The following GABRA3 variants were observed in gnomAD, a reference collection of about 807,000 sequenced individuals.
GABRA3 encodes gamma-aminobutyric acid receptor subunit alpha-3.
In GABRA3, 10 loss-of-function variants were observed where a neutral mutation model predicts 30.1. The observed-to-expected ratio is 0.33, with a 90% CI of 0.20 to 0.56. The LOEUF (loss-of-function observed/expected upper bound fraction) is 0.56, where lower values mean the gene tolerates loss of function less well. Among genes scored for constraint, GABRA3 ranks in the 20% least tolerant of loss-of-function variants. The pLI, the probability that GABRA3 is intolerant of heterozygous loss-of-function variation, is 0.89. For synonymous variants in GABRA3, 151 were observed against 146.8 expected (o/e 1.03, Z -0.21); for missense variants, 233 against 392.0 (o/e 0.59, Z 3.42).
intron 6 of GABRA3, among the ~76,000 whole-genome samples, chrX:152,214,398 T>C (rs974095159): frequency 2.7e-5 from 3 of 111,492 alleles, no homozygotes. Flanking sequence ...GTGATAAACA[T>C]ACAATTGTAG....
At chrX:152,355,123 C>CCAG (rs1940530080) in intron 2 of GABRA3, among the ~76,000 whole-genome samples, 2 of 110,811 alleles carry the variant, frequency 1.8e-5, no homozygotes, top group African/African-American at 6.6e-5. Context: ...AAGCAACTCC[C>CCAG]CAGCAGTCTC....
intron 9 of GABRA3, among the ~76,000 whole-genome samples, chrX:152,176,732 C>T (rs1489835082): frequency 1.8e-5 from 2 of 111,317 alleles, no homozygotes; most frequent in East Asian, 5.7e-4. Flanking sequence ...GAGATGTACA[C>T]AGTTACATAT....
At chrX:152,182,188 A>G (rs1364031796) in intron 9 of GABRA3, among the ~76,000 whole-genome samples, 1 of 108,553 alleles carries the variant, frequency 9.2e-6, no homozygotes, top group Non-Finnish European at 1.9e-5. Flanking sequence ...GCATATTTAT[A>G]TATTTACACA....
chrX:152,406,629 C>A (rs1340391507), intron 1 of GABRA3, among the ~76,000 whole-genome samples: 1 of 105,838 alleles, frequency 9.4e-6, no homozygotes, highest in Non-Finnish European at 1.9e-5. Context: ...AGCTAAAGAG[C>A]AAGATAGACT....
chrX:152,228,581 T>C lies in GABRA3; in HGVS notation c.552-3736A>G, dbSNP rs775984419. On this transcript the variant is annotated intron_variant, in intron 5 of 9. Transcript: ENST00000370314. Reference sequence around the variant, plus strand: ...AGTGGAGAAAAGGAACACCATTTTCTTTATTAAACTCTCATGGAATCTTTT... The same window carrying C: ...AGTGGAGAAAAGGAACACCATTTTCCTTATTAAACTCTCATGGAATCTTTT... 2.7e-5 allele frequency among the ~76,000 whole-genome samples: 3 copies of C among 110,998 alleles called. No individual in the cohort carries two copies. The East Asian group carries it at 8.5e-4, about 31-fold the overall frequency.
At chrX:152,277,500 T>C (rs1029708610) in intron 4 of GABRA3, among the ~76,000 whole-genome samples, 28 of 111,269 alleles carry the variant, frequency 2.5e-4, no homozygotes, top group Admixed American at 1.8e-3. Context: ...CTGTATACCA[T>C]AGGAAATTTT....
At chrX:152,403,558 G>T (rs1050953271) in intron 1 of GABRA3, among the ~76,000 whole-genome samples, 1 of 61,001 alleles carries the variant, frequency 1.6e-5, no homozygotes, top group African/African-American at 4.1e-5. Flanking sequence ...ACACGTGTGT[G>T]TATGTGCACA....
intron 3 of GABRA3, among the ~76,000 whole-genome samples, chrX:152,336,054 T>C (rs1377464259): frequency 1.8e-5 from 2 of 111,424 alleles, no homozygotes; most frequent in African/African-American, 6.5e-5. Context: ...TTTCTTAATT[T>C]ATTTAGCACA....
At position 152,288,304 on chromosome X, in the gene GABRA3, C is replaced by A. The variant is rs778679392; in HGVS notation, c.263-3569G>T. ...GCACCTGATAACACATGGAGAAGAA[C>A]CCTGATGAATATGATACAGTAGTTA... On this transcript the variant is annotated intron_variant, in intron 3 of 9. Coordinates refer to ENST00000370314, the MANE Select transcript of GABRA3 (RefSeq NM_000808.4). 2.7e-5 allele frequency among the ~76,000 whole-genome samples: 3 copies of A among 111,835 alleles called. No individual in the cohort carries two copies. The South Asian group carries it at 1.1e-3, about 41-fold the overall frequency.
In GABRA3 at chrX:152,212,318, AAAAAAAAAAAAAAT is replaced by A. The variant is rs1466625018; in HGVS notation, c.635-4188_635-4175del. Among the ~76,000 whole-genome samples the A allele has an allele frequency of 1.9e-3, 154 of 79,568 alleles. 15 individuals are homozygous for A. The highest frequency in any genetic ancestry group is 7.6e-3 in the African/African-American group (144 of 19,046). The allele number at this position is 79,568 out of a possible 115,157, so 69.1% of individuals were successfully genotyped here. A position where few individuals can be genotyped will look rare whatever the true frequency, so the allele number is the denominator to read the frequency against. ...AAAAAAAAAAAAAAAAAAAAAAAAA[AAAAAAAAAAAAAAT>A]TCCAAATTGCCTACCCTAAGAACTA... On this transcript the variant is annotated intron_variant, in intron 6 of 9. Coordinates refer to ENST00000370314, the MANE Select transcript of GABRA3 (RefSeq NM_000808.4).
At chrX:152,269,499 T>C (rs1450456657) in intron 4 of GABRA3, among the ~76,000 whole-genome samples, 1 of 112,222 alleles carries the variant, frequency 8.9e-6, no homozygotes, top group East Asian at 2.8e-4. Flanking sequence ...CTAAAATTTA[T>C]GTAGAATAAC....
chrX:152,394,755 G>T (rs1338824695), intron 1 of GABRA3, among the ~76,000 whole-genome samples: 2 of 111,809 alleles, frequency 1.8e-5, no homozygotes, highest in East Asian at 5.6e-4. Flanking sequence ...ATGGAGAATA[G>T]GTCAATTCAT....
At chrX:152,394,953 A>G (rs1402063271) in intron 1 of GABRA3, among the ~76,000 whole-genome samples, 2 of 111,529 alleles carry the variant, frequency 1.8e-5, no homozygotes, top group Non-Finnish European at 3.8e-5. Flanking sequence ...CCAGTCAGAC[A>G]CCTACAGGAC....
Position 152,181,363 on chromosome X carries a change from AT to A in GABRA3, c.1143+8366del, listed in dbSNP as rs757664378. Among the ~76,000 whole-genome samples, 6 of 111,662 alleles carry A rather than the reference AT, an allele frequency of 5.4e-5. No homozygotes were observed. The South Asian group carries it at 2.2e-3, about 41-fold the overall frequency. ...CATTGTTGATAAAGAAATGCAACTG[AT>A]TTTTGCATGTTGACTTTGTCTCCTG... On this transcript the variant is annotated intron_variant, in intron 9 of 9. Coordinates refer to ENST00000370314, the MANE Select transcript of GABRA3 (RefSeq NM_000808.4).
chrX:152,195,538 C>T (rs990582291), intron 8 of GABRA3, among the ~76,000 whole-genome samples: 7 of 112,212 alleles, frequency 6.2e-5, no homozygotes, highest in African/African-American at 2.3e-4. Flanking sequence ...TGCACTCCCT[C>T]TGGAGGCTCT....
chrX:152,275,186 A>T (rs1315176907), intron 4 of GABRA3, among the ~76,000 whole-genome samples: 1 of 76,491 alleles, frequency 1.3e-5, no homozygotes, highest in Non-Finnish European at 2.3e-5. Context: ...TATATTTAAT[A>T]TTATATATAT....
intron 1 of GABRA3, among the ~76,000 whole-genome samples, chrX:152,410,892 G>A (rs1241803993): frequency 8.9e-6 from 1 of 111,803 alleles, no homozygotes; most frequent in African/African-American, 3.2e-5. Flanking sequence ...ACTAGGAAGA[G>A]ACTTCAAATA....
intron 5 of GABRA3, among the ~76,000 whole-genome samples, chrX:152,242,719 C>T (rs1431908877): frequency 1.8e-5 from 2 of 111,668 alleles, no homozygotes; most frequent in Non-Finnish European, 3.8e-5. Context: ...AGGATGGCTA[C>T]TATCAAAAAG....
chrX:152,199,222 C>T (rs963772632), intron 7 of GABRA3, among the ~76,000 whole-genome samples: 5 of 106,775 alleles, frequency 4.7e-5, no homozygotes, highest in African/African-American at 6.7e-5. Context: ...AAATATTAGC[C>T]GGGTGTGGTG....
Sources: allele counts gnomAD v4.1 joint callset (sites outside exome capture counted in the v4.1 genomes callset), GRCh38; gene constraint gnomAD v4.1.1; transcripts MANE v1.5; gene names NCBI Gene and HGNC (gene_info 2026-07-23, HGNC 2026-07-21).